The following ZC2HC1B variants were observed in gnomAD, a reference collection of about 807,000 sequenced individuals.
The protein encoded by ZC2HC1B is zinc finger C2HC domain-containing protein 1B.
ZC2HC1B carries 36 observed loss-of-function variants against 31.0 expected under a neutral mutation model. That is an observed-to-expected ratio of 1.16 (90% confidence interval 0.89 to 1.54). The LOEUF is 1.54. Ranked by LOEUF, ZC2HC1B falls within the 40% of genes most tolerant of loss-of-function variation. ZC2HC1B has a pLI of 0.00. For synonymous variants in ZC2HC1B, 73 were observed against 88.0 expected (o/e 0.83, Z 0.95); for missense variants, 260 against 268.6 (o/e 0.97, Z 0.22).
rs1303550670 is a variant in ZC2HC1B at position 143,905,718 on chromosome 6, A to G, written c.598+2566A>G. Among the ~76,000 whole-genome samples, 1 of 151,958 alleles carries G rather than the reference A, an allele frequency of 6.6e-6. No homozygotes were observed. The highest frequency in any genetic ancestry group is 1.5e-5 in the Non-Finnish European group (1 of 67,962). ...TACATGTATGGTTTTTATTATGTTGAGGTAGTTTCCTTCTATTCTTAGTTT... is the reference window on the plus strand; with the variant it reads ...TACATGTATGGTTTTTATTATGTTGGGGTAGTTTCCTTCTATTCTTAGTTT... On this transcript the variant is annotated intron_variant, in intron 6 of 7. Transcript: ENST00000237275. The surrounding 1 kb of genome is among the most constrained non-coding windows in gnomAD (Gnocchi z 4.2).
In ZC2HC1B at chr6:143,870,720, A is replaced by G. The variant is rs2128493057; in HGVS notation, c.28+6153A>G. ...TCTCAAAAGAAGAGTAATTATCTGT[A>G]GAAGATGGCAGAGCCTTGCTCCAAA... is the stretch of plus-strand genomic sequence containing the variant. On this transcript the variant is annotated intron_variant, in intron 1 of 7. Transcript: ENST00000237275. The surrounding 1 kb of genome is among the most constrained non-coding windows in gnomAD (Gnocchi z 4.7). 6.6e-6 allele frequency among the ~76,000 whole-genome samples: 1 copy of G among 152,306 alleles called. No homozygotes were observed. Among genetic ancestry groups the G allele is most frequent in the East Asian group, 1.9e-4 (1 of 5,178 alleles).
At chr6:143,864,639 A>G (rs948846158) in intron 1 of ZC2HC1B, 72 bp downstream of exon 1, 1 of 1,490,578 alleles carries the variant, frequency 6.7e-7, no homozygotes, top group Non-Finnish European at 9.2e-7. Flanking sequence ...GGCTTTTCCA[A>G]AGCTGGTAGG....
At chr6:143,882,334 T>TTTTATA (rs1554237237) in intron 1 of ZC2HC1B, among the ~76,000 whole-genome samples, 2 of 85,554 alleles carry the variant, frequency 2.3e-5, no homozygotes, top group Non-Finnish European at 4.1e-5. Context: ...TTTATATTTT[T>TTTTATA]TATATATATA....
In ZC2HC1B at chr6:143,884,938, G is replaced by A. The variant is rs1020713017; in HGVS notation, c.90+573G>A. Among the ~76,000 whole-genome samples the A allele has an allele frequency of 2.6e-5, 4 of 152,110 alleles. No individual in the cohort carries two copies. Among genetic ancestry groups the A allele is most frequent in the Admixed American group, 1.3e-4 (2 of 15,270 alleles). On this transcript the variant is annotated intron_variant, in intron 2 of 7. Coordinates refer to ENST00000237275, the MANE Select transcript of ZC2HC1B (RefSeq NM_001013623.3). The surrounding 1 kb of genome is among the most constrained non-coding windows in gnomAD (Gnocchi z 5.1). ...CAAGCTAACGGCATGTCAAGTCCCC[G>A]ATTGATGGCTATAAAGTTGAATAAA...
At chr6:143,874,952 C>T (rs557578676) in intron 1 of ZC2HC1B, among the ~76,000 whole-genome samples, 1 of 152,134 alleles carries the variant, frequency 6.6e-6, no homozygotes, top group Non-Finnish European at 1.5e-5. Context: ...CCCGCCTCAG[C>T]CCCCCGGGTA....
Position 143,876,550 on chromosome 6 carries a change from C to A in ZC2HC1B, c.29-7754C>A, listed in dbSNP as rs373757405. ...AGAACCCCATTCTTAATATTCTGTT[C>A]TTCTAGAACTCCTGGTACAAAAATC... On this transcript the variant is annotated intron_variant, in intron 1 of 7. Transcript: ENST00000237275. Among the ~76,000 whole-genome samples, 4 of 150,522 alleles carry A rather than the reference C, an allele frequency of 2.7e-5. No individual in the cohort carries two copies. In the East Asian group the frequency reaches 7.7e-4, roughly 29 times the overall value.
chr6:143,912,174 A>G (rs1777868514), intron 6 of ZC2HC1B, among the ~76,000 whole-genome samples: 1 of 152,152 alleles, frequency 6.6e-6, no homozygotes. Context: ...GTATTGTTTT[A>G]TCATGATTCT....
chr6:143,885,911 G>C lies in ZC2HC1B; in HGVS notation c.91-121G>C, dbSNP rs1457749299. The C allele has an allele frequency of 4.4e-6, 5 of 1,139,744 alleles. No individual in the cohort carries two copies. The highest frequency in any genetic ancestry group is 5.8e-6 in the Non-Finnish European group (5 of 863,270). The allele number at this position is 1,139,744 out of a possible 1,614,324, so 70.6% of individuals were successfully genotyped here. On this transcript the variant is annotated intron_variant, in intron 2 of 7. Coordinates refer to ENST00000237275, the MANE Select transcript of ZC2HC1B (RefSeq NM_001013623.3). The surrounding 1 kb of genome is among the most constrained non-coding windows in gnomAD (Gnocchi z 4.2). Reference sequence around the variant, plus strand: ...ATTTGCTCTGCTGTGACCTGTTAGAGAATGAACTAGGCTCTGAGGAGCAAA... The same window carrying C: ...ATTTGCTCTGCTGTGACCTGTTAGACAATGAACTAGGCTCTGAGGAGCAAA...
chr6:143,928,431 G>C (rs191876838), intron 6 of ZC2HC1B, among the ~76,000 whole-genome samples: 18 of 152,208 alleles, frequency 1.2e-4, no homozygotes, highest in Admixed American at 1.2e-3. Context: ...TAGGTATGTG[G>C]CTTTATTTCT....
Position 143,903,535 on chromosome 6 carries a change from C to A in ZC2HC1B, c.598+383C>A, listed in dbSNP as rs754110824. On this transcript the variant is annotated intron_variant, in intron 6 of 7. Transcript: ENST00000237275. The surrounding 1 kb of genome is among the most constrained non-coding windows in gnomAD (Gnocchi z 4.3). Reference sequence around the variant, plus strand: ...TCCTCAATTTATGATGGGGCTATGTCCTGATAAGCCCATTGTAAATAGAAA... The same window carrying A: ...TCCTCAATTTATGATGGGGCTATGTACTGATAAGCCCATTGTAAATAGAAA... Among the ~76,000 whole-genome samples, 1 of 152,116 alleles carries A rather than the reference C, an allele frequency of 6.6e-6. No homozygotes were observed. Among genetic ancestry groups the A allele is most frequent in the Non-Finnish European group, 1.5e-5 (1 of 68,018 alleles).
In ZC2HC1B at chr6:143,923,232, C is replaced by A. The variant is rs1582974777; in HGVS notation, c.599-14417C>A. ...AATGCCTACTCAGATCCTTTGCCCA[C>A]TTTTTCATGGGATTATTAGTTTTTT... is the stretch of plus-strand genomic sequence containing the variant. On this transcript the variant is annotated intron_variant, in intron 6 of 7. Coordinates refer to ENST00000237275, the MANE Select transcript of ZC2HC1B (RefSeq NM_001013623.3). The surrounding 1 kb of genome is among the most constrained non-coding windows in gnomAD (Gnocchi z 4.8). Among the ~76,000 whole-genome samples the A allele has an allele frequency of 6.6e-6, 1 of 151,858 alleles. No homozygotes were observed.
chr6:143,868,826 C>A lies in ZC2HC1B; in HGVS notation c.28+4259C>A, dbSNP rs1163608163. On this transcript the variant is annotated intron_variant, in intron 1 of 7. Coordinates refer to ENST00000237275, the MANE Select transcript of ZC2HC1B (RefSeq NM_001013623.3). This position sits in a 1 kb window ranked among gnomAD's most constrained non-coding sequence, Gnocchi z 4.2. ...CCAATCCCCAACCCAAATACTATTA[C>A]ATAAAGTTAACAATTCTTAAATGCT... 6.6e-6 allele frequency among the ~76,000 whole-genome samples: 1 copy of A among 152,190 alleles called. No individual in the cohort carries two copies. The highest frequency in any genetic ancestry group is 1.5e-5 in the Non-Finnish European group (1 of 68,036).
Position 143,871,421 on chromosome 6 carries a change from T to C in ZC2HC1B, c.28+6854T>C, listed in dbSNP as rs1268048120. Among the ~76,000 whole-genome samples the C allele has an allele frequency of 1.3e-5, 2 of 152,220 alleles. No individual in the cohort carries two copies. The highest frequency in any genetic ancestry group is 4.8e-5 in the African/African-American group (2 of 41,462). The stretch of plus-strand genomic sequence containing the variant: ...AAGGCAAATTGCTTCTGGTGGGCCT[T>C]ACAGACAGGAATGGAGAAAAGGGCA... On this transcript the variant is annotated intron_variant, in intron 1 of 7. Coordinates refer to ENST00000237275, the MANE Select transcript of ZC2HC1B (RefSeq NM_001013623.3). The surrounding 1 kb of genome is among the most constrained non-coding windows in gnomAD (Gnocchi z 4.1).
rs550460886 is a variant in ZC2HC1B, at chr6:143,868,493, C to T, written c.28+3926C>T. Among the ~76,000 whole-genome samples the T allele has an allele frequency of 7.2e-5, 11 of 151,984 alleles. No individual in the cohort carries two copies. The highest frequency in any genetic ancestry group is 3.3e-4 in the Admixed American group (5 of 15,256). ...TTTTTTTTTCTGCCTGCTTTAGATT[C>T]GATCTGCGCTGGCAGGTGACTAGGT... On this transcript the variant is annotated intron_variant, in intron 1 of 7. Transcript: ENST00000237275. This position sits in a 1 kb window ranked among gnomAD's most constrained non-coding sequence, Gnocchi z 4.2.
In ZC2HC1B at chr6:143,922,733, CAT is replaced by C. The variant is rs752138274; in HGVS notation, c.599-14915_599-14914del. ...TTTTCTTTTTTTCAAATTTTATTCA[CAT>C]GTTTTATTCATTCATCCATTAATGA... On this transcript the variant is annotated intron_variant, in intron 6 of 7. Transcript: ENST00000237275. The surrounding 1 kb of genome is among the most constrained non-coding windows in gnomAD (Gnocchi z 5.0). Among the ~76,000 whole-genome samples the C allele has an allele frequency of 2.0e-5, 3 of 151,998 alleles. No homozygotes were observed. Among genetic ancestry groups the C allele is most frequent in the East Asian group, 1.9e-4 (1 of 5,198 alleles).
chr6:143,867,351 G>A (rs1582947404), intron 1 of ZC2HC1B, among the ~76,000 whole-genome samples: 1 of 152,150 alleles, frequency 6.6e-6, no homozygotes, highest in East Asian at 1.9e-4. Flanking sequence ...CTACCAATTA[G>A]ATGAAAGCAT....
At chr6:143,881,550 C>CAAAAAAA (rs1174647223) in intron 1 of ZC2HC1B, 22 of 34,440 alleles carry the variant, frequency 6.4e-4, no homozygotes, top group Non-Finnish European at 6.4e-4. Flanking sequence ...GACCCTGTCT[C>CAAAAAAA]AAAAAAAAAA....
At chr6:143,866,682 A>G (rs1322441360) in intron 1 of ZC2HC1B, among the ~76,000 whole-genome samples, 1 of 152,188 alleles carries the variant, frequency 6.6e-6, no homozygotes, top group Non-Finnish European at 1.5e-5. Flanking sequence ...TTACTGTTAC[A>G]TTTTCAATAA....
Position 143,922,044 on chromosome 6 carries a change from A to G in ZC2HC1B, c.599-15605A>G, listed in dbSNP as rs916153886. Among the ~76,000 whole-genome samples, 1 of 152,234 alleles carries G rather than the reference A, an allele frequency of 6.6e-6. No individual in the cohort carries two copies. The highest frequency in any genetic ancestry group is 1.5e-5 in the Non-Finnish European group (1 of 68,036). On this transcript the variant is annotated intron_variant, in intron 6 of 7. Transcript: ENST00000237275. This position sits in a 1 kb window ranked among gnomAD's most constrained non-coding sequence, Gnocchi z 5.0. ...ATTAGAAGCATACTGGGTGAAGGTG[A>G]ATCTCTAAAGTGTTTAAGGACTTGG...
Sources: gnomAD v4.1 joint callset for allele counts (sites outside exome capture counted in the v4.1 genomes callset) on GRCh38, gnomAD v4.1.1 for gene constraint, Gnocchi (gnomAD v3.1) non-coding constraint, MANE v1.5 for transcripts, NCBI Gene and HGNC (gene_info 2026-07-23, HGNC 2026-07-21) for gene names.